The following TLK1 variants were observed in gnomAD, a reference collection of about 807,000 sequenced individuals.
TLK1 encodes serine/threonine-protein kinase tousled-like 1.
A neutral mutation model predicts 105.3 loss-of-function variants in TLK1; 24 were observed. The ratio of observed to expected loss-of-function variants is 0.23; its 90% CI spans 0.17 to 0.32. TLK1 has a LOEUF of 0.32. TLK1 is among the 10% of genes least tolerant of loss of function. TLK1 has a pLI of 1.00. For missense variants in TLK1, 558 were observed against 910.5 expected, an observed-to-expected ratio of 0.61 and a Z score of 4.98; for synonymous variants, 321 against 310.4, an observed-to-expected ratio of 1.03 and a Z score of -0.36.
In TLK1 at chr2:171,193,699, C is replaced by CTT. The variant is rs1558986605; in HGVS notation, c.-6+37445_-6+37446insAA. On this transcript the variant is annotated intron_variant, in intron 1 of 20. Transcript: ENST00000521943. ...TATAGGCGTGAGCCACAGCGCCTGG[C>CTT]ATTTTTTTTTTTTTTTTTTTTTTTT... is the stretch of plus-strand genomic sequence containing the variant. Among the ~76,000 whole-genome samples the CTT allele has an allele frequency of 4.6e-4, 47 of 103,242 alleles. 2 individuals are homozygous for CTT. The highest frequency in any genetic ancestry group is 1.0e-3 in the African/African-American group (26 of 25,132). The allele number at this position is 103,242 out of a possible 152,430, so 67.7% of individuals were successfully genotyped here.
chr2:171,091,715 TTTGTTGTTGTTGTTG>T (rs71399599), intron 2 of TLK1: 37,294 of 148,272 alleles, frequency 0.25, 4,897 homozygotes, highest in Middle Eastern at 0.33. Flanking sequence ...GGGGGGTGTC[TTTGTTGTTGTTGTTG>T]TTGTTGTTGT....
rs577884381 is a variant in TLK1 at position 170,994,860 on chromosome 2, G to A, written c.2125-904C>T. 1.0e-4 allele frequency: 36 copies of A among 352,088 alleles called. 1 individual carries two copies. The highest frequency in any genetic ancestry group is 7.6e-4 in the South Asian group (32 of 42,138). The allele number at this position is 352,088 out of a possible 1,614,324, so 21.8% of individuals were successfully genotyped here. ...TTGAGGTTCATCCTTTTTTGGGGGG[G>A]GAGGGAACAGATAAAATATTCTCAG... On this transcript the variant is annotated intron_variant, in intron 20 of 20. Coordinates refer to ENST00000431350, the MANE Select transcript of TLK1 (RefSeq NM_012290.5).
chr2:171,217,496 C>A lies in TLK1; in HGVS notation c.-6+13649G>T, dbSNP rs373636219. Among the ~76,000 whole-genome samples the A allele has an allele frequency of 7.2e-5, 11 of 152,264 alleles. No homozygotes were observed. In the South Asian group the frequency reaches 1.5e-3, roughly 20 times the overall value. On this transcript the variant is annotated intron_variant, in intron 1 of 20. Transcript: ENST00000521943. ...CACCTCTTTTCCATTTCCTTGCCCC[C>A]CTCTGGTGGAGGCGCTAATGAATGG...
intron 1 of TLK1, among the ~76,000 whole-genome samples, chr2:171,229,535 T>C (rs1246230386): frequency 6.6e-6 from 1 of 152,224 alleles, no homozygotes; most frequent in Non-Finnish European, 1.5e-5. Flanking sequence ...TGTGGTATCC[T>C]GTTCTGCCAG....
chr2:171,140,073 G>A (rs1691509446), intron 1 of TLK1, among the ~76,000 whole-genome samples: 2 of 152,154 alleles, frequency 1.3e-5, no homozygotes, highest in East Asian at 1.9e-4. Context: ...ATAGCGACCA[G>A]TACAGGTATG....
At chr2:170,999,449 G>A (rs1349239488) in intron 18 of TLK1, among the ~76,000 whole-genome samples, 1 of 152,182 alleles carries the variant, frequency 6.6e-6, no homozygotes, top group Non-Finnish European at 1.5e-5. Context: ...GGAATAGCTT[G>A]TAAAGATTAA....
intron 1 of TLK1, among the ~76,000 whole-genome samples, chr2:171,130,296 G>C (rs1345363561): frequency 6.6e-6 from 1 of 152,156 alleles, no homozygotes; most frequent in Non-Finnish European, 1.5e-5. Flanking sequence ...CAGCTACTCA[G>C]GAGGCTGAAG....
At chr2:171,090,452 T>TACATC (rs56238840) in intron 2 of TLK1, among the ~76,000 whole-genome samples, 59,071 of 151,806 alleles carry the variant, frequency 0.39, 12,832 homozygotes, top group African/African-American at 0.57. Context: ...GAGTGCTGCT[T>TACATC]ACATCACTGT....
At chr2:171,068,318 A>G (rs925102072) in intron 3 of TLK1, among the ~76,000 whole-genome samples, 4 of 152,046 alleles carry the variant, frequency 2.6e-5, no homozygotes, top group Non-Finnish European at 4.4e-5. Context: ...AACAAGAGCA[A>G]AACTCCGCCT....
chr2:171,002,420 G>A (rs1159373655), intron 18 of TLK1, among the ~76,000 whole-genome samples: 2 of 151,724 alleles, frequency 1.3e-5, no homozygotes, highest in Non-Finnish European at 2.9e-5. Flanking sequence ...GACTACAGGC[G>A]CCTGCCACCA....
At chr2:171,013,012 A>C (rs1407934389) in intron 13 of TLK1, among the ~76,000 whole-genome samples, 1 of 147,884 alleles carries the variant, frequency 6.8e-6, no homozygotes. Flanking sequence ...GCTCTATTAG[A>C]TTTTTTTTTT....
chr2:171,040,389 T>C (rs1267774188), intron 11 of TLK1, among the ~76,000 whole-genome samples: 2 of 152,204 alleles, frequency 1.3e-5, no homozygotes, highest in African/African-American at 2.4e-5. Flanking sequence ...GTGTGGGATG[T>C]TGACAGTAGA....
chr2:171,199,796 A>G (rs540517065), intron 1 of TLK1, among the ~76,000 whole-genome samples: 17 of 152,364 alleles, frequency 1.1e-4, no homozygotes, highest in African/African-American at 3.8e-4. Flanking sequence ...TGCAAAGTAG[A>G]AATCAAGGAA....
At chr2:171,161,063 G>A (rs2105616499), upstream of TLK1, among the ~76,000 whole-genome samples, 1 of 148,552 alleles carries the variant, frequency 6.7e-6, no homozygotes, top group South Asian at 2.1e-4. Flanking sequence ...GGGAAGGAGC[G>A]AGCGCGCGAG....
chr2:171,115,170 C>CTTTTT (rs373796060), intron 2 of TLK1, among the ~76,000 whole-genome samples: 25,483 of 132,892 alleles, frequency 0.19, 3,273 homozygotes, highest in Middle Eastern at 0.24. Context: ...TTAAGAATTT[C>CTTTTT]TTTCTTTTTT....
chr2:171,002,751 T>G (rs1219844147), intron 18 of TLK1, among the ~76,000 whole-genome samples: 1 of 152,090 alleles, frequency 6.6e-6, no homozygotes, highest in Non-Finnish European at 1.5e-5. Context: ...TCCTCTTGTC[T>G]CAGCCTCCTG....
rs1186117903 is a variant in TLK1, at chr2:170,991,996, G to C, written c.*1784C>G. On this transcript the variant is annotated 3_prime_UTR_variant, in exon 21 of 21. Transcript: ENST00000431350. Reference sequence around the variant, plus strand: ...ATGGTTCTAAGTGTTACTTACCCAGGAGTTGCCTTGATAATGGTTATTAGG... The same window carrying C: ...ATGGTTCTAAGTGTTACTTACCCAGCAGTTGCCTTGATAATGGTTATTAGG... 6.6e-6 allele frequency: 1 copy of C among 152,040 alleles called. No individual in the cohort carries two copies. Among genetic ancestry groups the C allele is most frequent in the Non-Finnish European group, 1.5e-5 (1 of 67,988 alleles). 9.4% of individuals were successfully genotyped at this position (152,040 alleles called of 1,614,324 possible). A position where few individuals can be genotyped will look rare whatever the true frequency, so the allele number is the denominator to read the frequency against.
At chr2:171,076,466 T>G (rs1688511063) in intron 3 of TLK1, among the ~76,000 whole-genome samples, 1 of 152,014 alleles carries the variant, frequency 6.6e-6, no homozygotes, top group South Asian at 2.1e-4. Context: ...AATAAACTTC[T>G]GTTCATTATA....
At chr2:171,095,319 A>G (rs1445967792) in intron 2 of TLK1, among the ~76,000 whole-genome samples, 1 of 152,120 alleles carries the variant, frequency 6.6e-6, no homozygotes, top group Admixed American at 6.5e-5. Context: ...ATAGAAAAAA[A>G]AACAATGAAA....
Sources: gnomAD v4.1 joint callset for allele counts (sites outside exome capture counted in the v4.1 genomes callset) on GRCh38, gnomAD v4.1.1 for gene constraint, MANE v1.5 for transcripts, NCBI Gene and HGNC (gene_info 2026-07-23, HGNC 2026-07-21) for gene names.